EPHA6: variants seen among roughly 807,000 people sequenced by gnomAD.
The protein encoded by EPHA6 is ephrin type-A receptor 6.
Under a neutral mutation model 112.0 loss-of-function variants are expected in EPHA6, and 50 were observed. The observed-to-expected ratio is 0.45, with a 90% CI of 0.36 to 0.56. EPHA6 has a LOEUF of 0.56. Among genes scored for constraint, EPHA6 ranks in the 20% least tolerant of loss-of-function variants. EPHA6 has a pLI of 0.00. For missense variants in EPHA6, 1,280 were observed against 1,417.4 expected (o/e 0.90, Z 1.56); for synonymous variants, 529 against 490.7 (o/e 1.08, Z -1.03).
chr3:97,483,455 T>C (rs1215741558), intron 9 of EPHA6, among the ~76,000 whole-genome samples: 4 of 152,170 alleles, frequency 2.6e-5, no homozygotes, highest in African/African-American at 7.2e-5. Context: ...AGTCAGTTCT[T>C]TACTGCTTGA....
At chr3:97,319,352 G>C (rs185463120) in intron 5 of EPHA6, among the ~76,000 whole-genome samples, 2 of 151,554 alleles carry the variant, frequency 1.3e-5, no homozygotes, top group Admixed American at 1.3e-4. Context: ...CAAAAATTGT[G>C]TATACTACCT....
intron 3 of EPHA6, among the ~76,000 whole-genome samples, chr3:97,172,380 G>A (rs2076726781): frequency 6.6e-6 from 1 of 151,916 alleles, no homozygotes; most frequent in South Asian, 2.1e-4. Context: ...GGCCAGCTGG[G>A]AAGCTATTTA....
intron 5 of EPHA6, among the ~76,000 whole-genome samples, chr3:97,267,804 A>T: frequency 6.6e-6 from 1 of 152,134 alleles, no homozygotes; most frequent in East Asian, 1.9e-4. Context: ...TAGAACAAAT[A>T]TCCTATCCTT....
chr3:97,564,163 G>A (rs1041428211), intron 11 of EPHA6, among the ~76,000 whole-genome samples: 5 of 151,882 alleles, frequency 3.3e-5, no homozygotes, highest in Non-Finnish European at 5.9e-5. Flanking sequence ...AACTTAATAG[G>A]GAGTCATTTG....
In EPHA6 at chr3:97,578,887, A is replaced by C. The variant is rs141547350; in HGVS notation, c.2387-13725A>C. ...TGTGTTAAAAATTTGGTCAGTCAAT[A>C]CTTTTAAATACAATCACACATACAC... is the stretch of plus-strand genomic sequence containing the variant. On this transcript the variant is annotated intron_variant, in intron 11 of 17. Transcript: ENST00000389672. Among the ~76,000 whole-genome samples, 823 of 152,314 alleles carry C rather than the reference A, an allele frequency of 5.4e-3. 4 individuals carry two copies. Among genetic ancestry groups the C allele is most frequent in the African/African-American group, 0.017 (700 of 41,574 alleles).
intron 2 of EPHA6, among the ~76,000 whole-genome samples, chr3:96,868,472 A>G (rs1453155133): frequency 6.6e-6 from 1 of 151,922 alleles, no homozygotes; most frequent in African/African-American, 2.4e-5. Context: ...CACCAGAACC[A>G]TTAATCAGTT....
intron 7 of EPHA6, chr3:97,466,480 C>G (rs367672757): frequency 8.7e-6 from 12 of 1,385,502 alleles, no homozygotes; most frequent in Non-Finnish European, 1.2e-5. Flanking sequence ...TTTATTGCCT[C>G]AGGTAACTGA....
At chr3:97,351,428 C>T (rs560932655) in intron 5 of EPHA6, among the ~76,000 whole-genome samples, 4 of 152,154 alleles carry the variant, frequency 2.6e-5, no homozygotes, top group Non-Finnish European at 5.9e-5. Context: ...TTGTTTGTTA[C>T]AGAAGAAAAT....
chr3:97,228,811 G>GTTATATGGATAGTACAACTATCCATA (rs2078437788), intron 4 of EPHA6, among the ~76,000 whole-genome samples: 3 of 152,044 alleles, frequency 2.0e-5, no homozygotes, highest in Non-Finnish European at 4.4e-5. Context: ...GTTATCCGTG[G>GTTATATGGATAGTACAACTATCCATA]TAGTTGTACT....
At chr3:97,247,000 T>A (rs1017985426) in intron 5 of EPHA6, among the ~76,000 whole-genome samples, 2 of 152,056 alleles carry the variant, frequency 1.3e-5, no homozygotes, top group South Asian at 2.1e-4. Flanking sequence ...AACTTTCAAC[T>A]GATGCCATTT....
chr3:97,198,297 A>T (rs1432811914), intron 3 of EPHA6, among the ~76,000 whole-genome samples: 1 of 152,124 alleles, frequency 6.6e-6, no homozygotes, highest in Non-Finnish European at 1.5e-5. Flanking sequence ...ATTTGAAAAC[A>T]TCACTGAAGT....
intron 5 of EPHA6, among the ~76,000 whole-genome samples, chr3:97,268,781 A>G (rs2079782482): frequency 6.6e-6 from 1 of 152,188 alleles, no homozygotes; most frequent in African/African-American, 2.4e-5. Flanking sequence ...TTAGAGGAGA[A>G]GATATTTAAT....
At chr3:96,918,364 G>A (rs887315419) in intron 2 of EPHA6, among the ~76,000 whole-genome samples, 32 of 152,002 alleles carry the variant, frequency 2.1e-4, no homozygotes, top group Non-Finnish European at 3.8e-4. Context: ...TTTTAAAACC[G>A]TTGCTTTATG....
At chr3:97,126,799 T>C (rs899372204) in intron 3 of EPHA6, among the ~76,000 whole-genome samples, 2 of 151,980 alleles carry the variant, frequency 1.3e-5, no homozygotes, top group African/African-American at 2.4e-5. Flanking sequence ...ATTAATTCAG[T>C]TCTGCAGATG....
intron 10 of EPHA6, among the ~76,000 whole-genome samples, chr3:97,505,363 G>T (rs2107570221): frequency 6.8e-6 from 1 of 147,814 alleles, no homozygotes; most frequent in South Asian, 2.1e-4. Context: ...GACAGGCCCT[G>T]ATGTGTGATG....
At chr3:97,237,515 A>G (rs2108568448) in intron 4 of EPHA6, among the ~76,000 whole-genome samples, 1 of 152,066 alleles carries the variant, frequency 6.6e-6, no homozygotes, top group Middle Eastern at 3.4e-3. Flanking sequence ...TGTTGCCAGT[A>G]TGTCTTTATT....
intron 14 of EPHA6, among the ~76,000 whole-genome samples, chr3:97,640,265 G>GA (rs2093989156): frequency 6.6e-6 from 1 of 151,958 alleles, no homozygotes; most frequent in Non-Finnish European, 1.5e-5. Context: ...GAAGAAGAAA[G>GA]AAAAAAGACA....
chr3:97,587,585 C>T (rs2093502514), intron 11 of EPHA6, among the ~76,000 whole-genome samples: 1 of 152,220 alleles, frequency 6.6e-6, no homozygotes, highest in East Asian at 1.9e-4. Flanking sequence ...GCACAACATA[C>T]ATAAAATGCT....
At chr3:96,983,654 A>T (rs370330087) in intron 2 of EPHA6, among the ~76,000 whole-genome samples, 1 of 152,186 alleles carries the variant, frequency 6.6e-6, no homozygotes, top group Non-Finnish European at 1.5e-5. Flanking sequence ...GTGTTTTCCA[A>T]CTTGGTTCCA....
Sources: allele counts gnomAD v4.1 joint callset (sites outside exome capture counted in the v4.1 genomes callset), GRCh38; gene constraint gnomAD v4.1.1; transcripts MANE v1.5; gene names NCBI Gene and HGNC (gene_info 2026-07-23, HGNC 2026-07-21).